GRID2: variants seen among roughly 807,000 people sequenced by gnomAD.
The protein encoded by GRID2 is glutamate ionotropic receptor delta type subunit 2, also known as glutamate receptor ionotropic, delta-2.
GRID2 carries 33 observed loss-of-function variants against 114.8 expected under a neutral mutation model. The ratio of observed to expected loss-of-function variants is 0.29; its 90% confidence interval spans 0.22 to 0.38. GRID2 has a LOEUF of 0.38. Ranked by LOEUF, GRID2 falls within the 10% of genes least tolerant of loss-of-function variation. GRID2 has a pLI of 1.00. For missense variants in GRID2, 1,184 were observed against 1,257.7 expected (o/e 0.94, Z 0.89); for synonymous variants, 505 against 449.9 (o/e 1.12, Z -1.55).
At chr4:92,452,824 C>CATAT (rs145753492) in intron 1 of GRID2, among the ~76,000 whole-genome samples, 28 of 130,670 alleles carry the variant, frequency 2.1e-4, no homozygotes, top group East Asian at 1.0e-3. Context: ...ATATGTTTAC[C>CATAT]ATATATATAT....
At position 93,696,871 on chromosome 4, in the gene GRID2, C is replaced by T. The variant is rs374756882; in HGVS notation, c.2360+70436C>T. Among the ~76,000 whole-genome samples, 15 of 152,196 alleles carry T rather than the reference C, an allele frequency of 9.9e-5. No homozygotes were observed. The South Asian group carries it at 2.9e-3, about 29-fold the overall frequency. On this transcript the variant is annotated intron_variant, in intron 14 of 15. Transcript: ENST00000282020. ...AGACCCAGAATTGTAGTATTTTACG[C>T]GTATTAATCTACCTTTACAGGCTTC...
chr4:93,280,784 A>G (rs72872799), intron 8 of GRID2, among the ~76,000 whole-genome samples: 2,593 of 152,072 alleles, frequency 0.017, 74 homozygotes, highest in African/African-American at 0.059. Flanking sequence ...ATGAGTAATT[A>G]TTCAAATATA....
At chr4:93,804,963 C>T (rs1197680641) in intron 1 of GRID2, among the ~76,000 whole-genome samples, 1 of 152,162 alleles carries the variant, frequency 6.6e-6, no homozygotes. Context: ...ATGTATCTCC[C>T]AACCAGATTA....
chr4:93,599,507 A>G (rs1739457638), intron 13 of GRID2, among the ~76,000 whole-genome samples: 1 of 152,220 alleles, frequency 6.6e-6, no homozygotes, highest in Admixed American at 6.5e-5. Flanking sequence ...CTCCTAAGTA[A>G]ATTTCACTTC....
At chr4:92,599,939 C>T (rs1003423895) in intron 2 of GRID2, among the ~76,000 whole-genome samples, 3 of 150,444 alleles carry the variant, frequency 2.0e-5, no homozygotes, top group Non-Finnish European at 3.0e-5. Context: ...GCAGTAGAAT[C>T]GCTTGAACCT....
At chr4:92,982,040 A>AG (rs1426455098) in intron 2 of GRID2, among the ~76,000 whole-genome samples, 18 of 112,730 alleles carry the variant, frequency 1.6e-4, no homozygotes, top group African/African-American at 5.3e-4. Context: ...AAAAAAAAAA[A>AG]AAAAAGAAAA....
At chr4:93,067,624 A>G (rs547827731) in intron 2 of GRID2, among the ~76,000 whole-genome samples, 119 of 152,178 alleles carry the variant, frequency 7.8e-4, no homozygotes, top group African/African-American at 2.7e-3. Flanking sequence ...TTCAGACCAT[A>G]GCACTTATGA....
intron 2 of GRID2, among the ~76,000 whole-genome samples, chr4:92,903,634 A>G (rs1489189899): frequency 1.3e-5 from 2 of 151,904 alleles, no homozygotes; most frequent in Admixed American, 1.3e-4. Context: ...GGCTCTTGGG[A>G]TTTTTAATGG....
intron 14 of GRID2, among the ~76,000 whole-genome samples, chr4:93,659,230 T>A (rs1262602504): frequency 2.0e-5 from 3 of 151,380 alleles, no homozygotes; most frequent in African/African-American, 7.3e-5. Flanking sequence ...CAGAAGTGCA[T>A]GTAAAATGTG....
intron 2 of GRID2, among the ~76,000 whole-genome samples, chr4:92,660,395 G>A (rs996416728): frequency 6.6e-6 from 1 of 151,190 alleles, no homozygotes; most frequent in Non-Finnish European, 1.5e-5. Flanking sequence ...TGTCCAAAAC[G>A]ATGACTAAGA....
chr4:93,605,300 C>T (rs1181672789), intron 13 of GRID2, among the ~76,000 whole-genome samples: 6 of 152,142 alleles, frequency 3.9e-5, no homozygotes, highest in Non-Finnish European at 5.9e-5. Context: ...CCATATGTGG[C>T]TTGTGGGTAT....
intron 2 of GRID2, among the ~76,000 whole-genome samples, chr4:92,674,989 A>G (rs1354123155): frequency 1.3e-5 from 2 of 152,042 alleles, no homozygotes; most frequent in Admixed American, 1.3e-4. Flanking sequence ...TATGTCTAGT[A>G]TATTTTCTTT....
chr4:92,593,480 C>A (rs897849900), intron 2 of GRID2, among the ~76,000 whole-genome samples: 1 of 151,894 alleles, frequency 6.6e-6, no homozygotes, highest in East Asian at 1.9e-4. Context: ...TGGAAATCTT[C>A]CTTTGTAGCT....
chr4:92,426,877 G>A (rs1304937542), intron 1 of GRID2, among the ~76,000 whole-genome samples: 4 of 152,024 alleles, frequency 2.6e-5, no homozygotes, highest in African/African-American at 9.7e-5. Context: ...TATCTGACAT[G>A]AAAATCATAT....
At chr4:93,423,449 G>A (rs1319867741) in intron 10 of GRID2, among the ~76,000 whole-genome samples, 1 of 136,198 alleles carries the variant, frequency 7.3e-6, no homozygotes, top group South Asian at 2.5e-4. Flanking sequence ...CTAGGTTCGC[G>A]CCATTCTCCT....
At chr4:93,411,000 T>C (rs1767074834) in intron 9 of GRID2, among the ~76,000 whole-genome samples, 1 of 152,220 alleles carries the variant, frequency 6.6e-6, no homozygotes, top group African/African-American at 2.4e-5. Flanking sequence ...AACAAATTTT[T>C]ATTTCCAACC....
At chr4:93,732,846 T>C (rs1369128936) in intron 14 of GRID2, among the ~76,000 whole-genome samples, 2 of 151,750 alleles carry the variant, frequency 1.3e-5, no homozygotes, top group East Asian at 3.9e-4. Context: ...CTTCTCTCCA[T>C]AATAATTCTA....
intron 14 of GRID2, among the ~76,000 whole-genome samples, chr4:93,752,754 C>A (rs1470881211): frequency 6.6e-6 from 1 of 152,182 alleles, no homozygotes; most frequent in Non-Finnish European, 1.5e-5. Flanking sequence ...ATTTCCTAAA[C>A]CTTATCCACA....
intron 2 of GRID2, among the ~76,000 whole-genome samples, chr4:92,869,994 C>G (rs1745155268): frequency 1.3e-5 from 2 of 151,878 alleles, no homozygotes; most frequent in South Asian, 4.2e-4. Flanking sequence ...AATTCAAGAC[C>G]AGCCTGAGCA....
Sources: allele counts gnomAD v4.1 joint callset (sites outside exome capture counted in the v4.1 genomes callset), GRCh38; gene constraint gnomAD v4.1.1; transcripts MANE v1.5; gene names NCBI Gene and HGNC (gene_info 2026-07-23, HGNC 2026-07-21).